Variants in FAF1 observed in about 807,000 individuals in gnomAD.
FAF1 encodes the protein FAS-associated factor 1.
A neutral mutation model predicts 92.5 loss-of-function variants in FAF1; 25 were observed. That is an observed-to-expected ratio of 0.27 (90% CI 0.20 to 0.38). The LOEUF (loss-of-function observed/expected upper bound fraction) is 0.38. Among genes scored for constraint, FAF1 ranks in the 10% least tolerant of loss-of-function variants. The pLI is 1.00. For synonymous variants in FAF1, 234 were observed against 273.2 expected (o/e 0.86, Z 1.42); for missense variants, 636 against 793.3 (o/e 0.80, Z 2.38).
intron 1 of FAF1, among the ~76,000 whole-genome samples, chr1:50,935,363 T>G (rs1645077670): frequency 6.6e-6 from 1 of 152,214 alleles, no homozygotes; most frequent in Non-Finnish European, 1.5e-5. Flanking sequence ...TTGACTAGCA[T>G]GTCAAGAATA....
intron 6 of FAF1, among the ~76,000 whole-genome samples, chr1:50,725,326 G>A (rs1487154374): frequency 6.6e-6 from 1 of 152,080 alleles, no homozygotes; most frequent in Non-Finnish European, 1.5e-5. Flanking sequence ...CAGCTATCTT[G>A]ACTTACTACT....
At chr1:50,640,252 T>C (rs1423556141) in intron 8 of FAF1, among the ~76,000 whole-genome samples, 3 of 152,014 alleles carry the variant, frequency 2.0e-5, no homozygotes, top group African/African-American at 4.8e-5. Context: ...CTGGTAGTGT[T>C]TGGCAATGTA....
At chr1:50,639,466 T>A (rs529772241) in intron 8 of FAF1, among the ~76,000 whole-genome samples, 74 of 152,368 alleles carry the variant, frequency 4.9e-4, no homozygotes, top group Middle Eastern at 6.8e-3. Context: ...CAGGACCTTA[T>A]TCACCTGATT....
intron 8 of FAF1, among the ~76,000 whole-genome samples, chr1:50,636,938 T>C (rs993488570): frequency 6.6e-6 from 1 of 152,108 alleles, no homozygotes; most frequent in Non-Finnish European, 1.5e-5. Context: ...ATTTGTTAAA[T>C]AAAGAACAAA....
chr1:50,517,489 G>C (rs970595080), intron 15 of FAF1, among the ~76,000 whole-genome samples: 1 of 152,056 alleles, frequency 6.6e-6, no homozygotes, highest in Non-Finnish European at 1.5e-5. Flanking sequence ...TACATACTAG[G>C]TACCAGTGCA....
chr1:50,500,738 G>C (rs1305637476), intron 15 of FAF1, among the ~76,000 whole-genome samples: 1 of 151,904 alleles, frequency 6.6e-6, no homozygotes, highest in South Asian at 2.1e-4. Context: ...AGTATCATGT[G>C]TACCCCATAA....
At chr1:50,637,706 T>TGTGTGTGTGC (rs1186385884) in intron 8 of FAF1, among the ~76,000 whole-genome samples, 116 of 150,434 alleles carry the variant, frequency 7.7e-4, no homozygotes, top group Non-Finnish European at 1.3e-3. Flanking sequence ...TGTGTGTGTG[T>TGTGTGTGTGC]GTGTGTGCGT....
At chr1:50,543,408 T>C (rs1425147631) in intron 13 of FAF1, among the ~76,000 whole-genome samples, 2 of 152,172 alleles carry the variant, frequency 1.3e-5, no homozygotes, top group Middle Eastern at 3.2e-3. Flanking sequence ...AACTACTCTA[T>C]TTAAGGGTTC....
intron 7 of FAF1, among the ~76,000 whole-genome samples, chr1:50,666,790 G>A (rs558180111): frequency 3.9e-4 from 59 of 152,212 alleles, no homozygotes; most frequent in Admixed American, 2.6e-3. Context: ...GGCTGAGGCA[G>A]GAGAATCGCT....
chr1:50,832,014 CT>C, intron 2 of FAF1, among the ~76,000 whole-genome samples: 1 of 151,902 alleles, frequency 6.6e-6, no homozygotes. Flanking sequence ...AATCTAATGC[CT>C]GATGATCTGT....
At chr1:50,647,934 C>T (rs555318319) in intron 8 of FAF1, among the ~76,000 whole-genome samples, 2 of 152,020 alleles carry the variant, frequency 1.3e-5, no homozygotes, top group East Asian at 1.9e-4. Flanking sequence ...GAAGGCAGCA[C>T]GGGAAGAAGG....
At position 50,438,328 on chromosome 1, in the gene FAF1, A is replaced by C. The variant is rs1646143734; in HGVS notation, c.*3112T>G. 6.6e-6 allele frequency: 1 copy of C among 152,250 alleles called. No homozygotes were observed. Among genetic ancestry groups the C allele is most frequent in the Non-Finnish European group, 1.5e-5 (1 of 68,060 alleles). 9.4% of individuals were successfully genotyped at this position (152,250 alleles called of 1,614,324 possible). The stretch of plus-strand genomic sequence containing the variant: ...GGTCACGCAGCTACTAAGTGGCAGA[A>C]GAGAGGTTCAACTTGGAAGACACTG... On this transcript the variant is annotated 3_prime_UTR_variant, in exon 19 of 19. Coordinates refer to ENST00000396153, the MANE Select transcript of FAF1 (RefSeq NM_007051.3).
At chr1:50,928,688 C>T (rs1404303039) in intron 1 of FAF1, among the ~76,000 whole-genome samples, 1 of 144,090 alleles carries the variant, frequency 6.9e-6, no homozygotes, top group Non-Finnish European at 1.5e-5. Context: ...GAGGCTGAGG[C>T]AAGAGAATCG....
intron 1 of FAF1, among the ~76,000 whole-genome samples, chr1:50,951,001 C>T (rs1424874308): frequency 6.6e-6 from 1 of 152,196 alleles, no homozygotes; most frequent in African/African-American, 2.4e-5. Flanking sequence ...GAGGCCGAGG[C>T]GGGCAGACCA....
At chr1:50,654,634 G>C (rs989050773) in intron 8 of FAF1, among the ~76,000 whole-genome samples, 4 of 152,112 alleles carry the variant, frequency 2.6e-5, no homozygotes, top group Admixed American at 6.5e-5. Flanking sequence ...TGAGATTAAA[G>C]TGTTATTAAC....
chr1:50,787,999 C>T lies in FAF1; in HGVS notation c.367+1G>A. ...AGGCTTTATGGCAGGAAAAACCTTA[C>T]CAACAGTACAGGTGTCTTCAAGTAC... On this transcript the variant is annotated splice_donor_variant, in intron 4 of 18. Coordinates refer to ENST00000396153, the MANE Select transcript of FAF1 (RefSeq NM_007051.3). LOFTEE classifies it high-confidence loss of function. The T allele has an allele frequency of 6.2e-7, 1 of 1,611,294 alleles. No homozygotes were observed. Among genetic ancestry groups the T allele is most frequent in the Non-Finnish European group, 8.5e-7 (1 of 1,177,558 alleles).
chr1:50,482,190 T>G (rs866255012), intron 17 of FAF1, among the ~76,000 whole-genome samples: 3 of 152,184 alleles, frequency 2.0e-5, no homozygotes, highest in Middle Eastern at 3.2e-3. Context: ...ATCCTAGTTT[T>G]GTGTTTTCCA....
intron 6 of FAF1, among the ~76,000 whole-genome samples, chr1:50,712,934 G>C (rs1657999800): frequency 6.6e-6 from 1 of 151,842 alleles, no homozygotes; most frequent in Admixed American, 6.6e-5. Context: ...GGCCAAGGTG[G>C]GTGGGTCACT....
chr1:50,535,364 C>G lies in FAF1; in HGVS notation c.1494+5G>C. 1 of 1,593,900 alleles carries G rather than the reference C, an allele frequency of 6.3e-7. No individual in the cohort carries two copies. Among genetic ancestry groups the G allele is most frequent in the Non-Finnish European group, 8.6e-7 (1 of 1,162,426 alleles). ...AAATCCTATTAAAGATCTGCATAACCTTACCTCGTCCTTTATATCTTCCTG... is the reference window on the plus strand; with the variant it reads ...AAATCCTATTAAAGATCTGCATAACGTTACCTCGTCCTTTATATCTTCCTG... On this transcript the variant is annotated splice_donor_5th_base_variant and intron_variant, in intron 15 of 18. Coordinates refer to ENST00000396153, the MANE Select transcript of FAF1 (RefSeq NM_007051.3).
Sources: gnomAD v4.1 joint callset for allele counts (sites outside exome capture counted in the v4.1 genomes callset) on GRCh38, gnomAD v4.1.1 for gene constraint, MANE v1.5 for transcripts, NCBI Gene and HGNC (gene_info 2026-07-23, HGNC 2026-07-21) for gene names.